The following NXPH1 variants were observed in gnomAD, a reference collection of about 807,000 sequenced individuals.
The protein encoded by NXPH1 is neurexophilin-1.
Under a neutral mutation model 23.7 loss-of-function variants are expected in NXPH1, and 5 were observed. The ratio of observed to expected loss-of-function variants is 0.21; its 90% confidence interval spans 0.11 to 0.44. The LOEUF (loss-of-function observed/expected upper bound fraction) is 0.44. NXPH1 is among the 20% of genes least tolerant of loss of function. NXPH1 has a pLI of 0.99. For missense variants in NXPH1, 324 were observed against 321.6 expected (o/e 1.01, Z -0.06); for synonymous variants, 144 against 122.2 (o/e 1.18, Z -1.18).
chr7:8,710,578 A>G (rs1779772535), intron 2 of NXPH1, among the ~76,000 whole-genome samples: 1 of 151,340 alleles, frequency 6.6e-6, no homozygotes, highest in South Asian at 2.1e-4. Context: ...ATCAACTGCC[A>G]AACTCATAAA....
chr7:8,510,181 G>A (rs933010452), intron 2 of NXPH1, among the ~76,000 whole-genome samples: 6 of 152,148 alleles, frequency 3.9e-5, no homozygotes, highest in African/African-American at 1.2e-4. Flanking sequence ...GACAAAGGGT[G>A]CCTGGGGAGG....
chr7:8,514,657 CT>C (rs1435636070), intron 2 of NXPH1, among the ~76,000 whole-genome samples: 3 of 152,130 alleles, frequency 2.0e-5, no homozygotes, highest in African/African-American at 4.8e-5. Context: ...TCTCATTGGT[CT>C]TTTAGACTCT....
At chr7:8,544,473 C>A (rs2128618849) in intron 2 of NXPH1, among the ~76,000 whole-genome samples, 1 of 151,678 alleles carries the variant, frequency 6.6e-6, no homozygotes, top group East Asian at 2.0e-4. Flanking sequence ...TTGAAAGACT[C>A]ATAAAGAATG....
intron 2 of NXPH1, among the ~76,000 whole-genome samples, chr7:8,744,795 A>G (rs1562472775): frequency 6.6e-6 from 1 of 152,234 alleles, no homozygotes; most frequent in Non-Finnish European, 1.5e-5. Context: ...CTATTTAGCC[A>G]AGAATCATCA....
intron 2 of NXPH1, among the ~76,000 whole-genome samples, chr7:8,459,732 A>G (rs1253228769): frequency 6.6e-6 from 1 of 152,212 alleles, no homozygotes; most frequent in Non-Finnish European, 1.5e-5. Flanking sequence ...AGGAAAATCT[A>G]GGGGAAAAGA....
intron 2 of NXPH1, among the ~76,000 whole-genome samples, chr7:8,530,758 G>C (rs1161136350): frequency 1.3e-5 from 2 of 152,190 alleles, no homozygotes; most frequent in Non-Finnish European, 2.9e-5. Context: ...CTGACTACAG[G>C]CATCATCTAT....
At chr7:8,549,406 A>G (rs1351998411) in intron 2 of NXPH1, among the ~76,000 whole-genome samples, 1 of 151,616 alleles carries the variant, frequency 6.6e-6, no homozygotes, top group East Asian at 1.9e-4. Context: ...ATCCTCATTT[A>G]TCCAGGCTTT....
intron 2 of NXPH1, among the ~76,000 whole-genome samples, chr7:8,663,016 G>C (rs10952122): frequency 0.62 from 94,322 of 151,912 alleles, 30,092 homozygotes; most frequent in Middle Eastern, 0.76. Context: ...GTGTAATACT[G>C]TGAACTGATA....
chr7:8,600,970 C>A, intron 2 of NXPH1, among the ~76,000 whole-genome samples: 1 of 151,402 alleles, frequency 6.6e-6, no homozygotes, highest in African/African-American at 2.4e-5. Flanking sequence ...GCATAAAAAC[C>A]ATTTACATAA....
At chr7:8,633,660 CAAA>C (rs1820170133) in intron 2 of NXPH1, among the ~76,000 whole-genome samples, 2 of 151,986 alleles carry the variant, frequency 1.3e-5, no homozygotes, top group Admixed American at 1.3e-4. Context: ...TAACAATTTG[CAAA>C]AAATAATTGC....
chr7:8,684,743 A>G (rs567663823), intron 2 of NXPH1, among the ~76,000 whole-genome samples: 5 of 152,182 alleles, frequency 3.3e-5, no homozygotes, highest in Non-Finnish European at 7.4e-5. Context: ...TCAGTGTCCA[A>G]TGTCCCCTGT....
intron 2 of NXPH1, among the ~76,000 whole-genome samples, chr7:8,535,820 G>C (rs555832255): frequency 6.6e-6 from 1 of 152,012 alleles, no homozygotes; most frequent in East Asian, 1.9e-4. Context: ...TTTTTCAAAG[G>C]TGGTTGATGT....
chr7:8,491,156 A>T (rs1455228028), intron 2 of NXPH1, among the ~76,000 whole-genome samples: 3 of 152,026 alleles, frequency 2.0e-5, no homozygotes, highest in Non-Finnish European at 4.4e-5. Flanking sequence ...AGCAATGAAT[A>T]AAAAATTTTG....
chr7:8,627,373 T>C (rs1251032395), intron 2 of NXPH1, among the ~76,000 whole-genome samples: 1 of 152,038 alleles, frequency 6.6e-6, no homozygotes, highest in Non-Finnish European at 1.5e-5. Context: ...TCAGGGGAAA[T>C]AGGTAATGAA....
chr7:8,678,351 T>A (rs1820986621), intron 2 of NXPH1, among the ~76,000 whole-genome samples: 1 of 152,214 alleles, frequency 6.6e-6, no homozygotes, highest in Non-Finnish European at 1.5e-5. Context: ...GATATATTTT[T>A]CCTTTTCCTT....
At chr7:8,745,995 T>C (rs1003445379) in intron 2 of NXPH1, among the ~76,000 whole-genome samples, 8 of 152,192 alleles carry the variant, frequency 5.3e-5, no homozygotes, top group Non-Finnish European at 1.0e-4. Context: ...ACTTTGACTA[T>C]GATTGCTGGA....
chr7:8,628,222 G>C (rs1820036646), intron 2 of NXPH1, among the ~76,000 whole-genome samples: 1 of 152,060 alleles, frequency 6.6e-6, no homozygotes, highest in Non-Finnish European at 1.5e-5. Context: ...ACAGTGAAGA[G>C]AAATGAAAAA....
At chr7:8,448,064 A>G (rs1816436390) in intron 2 of NXPH1, among the ~76,000 whole-genome samples, 2 of 152,230 alleles carry the variant, frequency 1.3e-5, no homozygotes, top group Admixed American at 1.3e-4. Flanking sequence ...TTCTTAAGGG[A>G]AGCAGCATTG....
chr7:8,526,229 C>G (rs1210154332), intron 2 of NXPH1, among the ~76,000 whole-genome samples: 1 of 152,230 alleles, frequency 6.6e-6, no homozygotes, highest in Non-Finnish European at 1.5e-5. Flanking sequence ...GGATTTTGGA[C>G]TTGCATGGGC....
Sources: gnomAD v4.1 joint callset for allele counts (sites outside exome capture counted in the v4.1 genomes callset) on GRCh38, gnomAD v4.1.1 for gene constraint, MANE v1.5 for transcripts, NCBI Gene and HGNC (gene_info 2026-07-23, HGNC 2026-07-21) for gene names.